NEK1: variants seen among roughly 807,000 people sequenced by gnomAD.
The protein encoded by NEK1 is NIMA related kinase 1.
In NEK1, 137 loss-of-function variants were observed where a neutral mutation model predicts 182.1. That is an observed-to-expected ratio of 0.75 (90% confidence interval 0.65 to 0.87). The LOEUF is 0.87. NEK1 is among the 40% of genes least tolerant of loss of function. The probability of loss-of-function intolerance (pLI) is 0.00; values close to 1 mark genes in which losing one functional copy is unlikely to be tolerated. For synonymous variants in NEK1, 513 were observed against 492.2 expected (o/e 1.04, Z -0.56); for missense variants, 1,391 against 1,494.4 (o/e 0.93, Z 1.14).
chr4:169,540,036 T>C (rs949052687), intron 18 of NEK1, among the ~76,000 whole-genome samples: 15 of 152,154 alleles, frequency 9.9e-5, no homozygotes, highest in Non-Finnish European at 1.5e-4. Flanking sequence ...ATAACACTAC[T>C]TGCTCTATGT....
chr4:169,591,767 G>A (rs1252612510), intron 5 of NEK1, among the ~76,000 whole-genome samples: 1 of 152,012 alleles, frequency 6.6e-6, no homozygotes, highest in Non-Finnish European at 1.5e-5. Context: ...AAATGCTTAA[G>A]TCATACGAAA....
chr4:169,539,015 A>G (rs961887632), intron 18 of NEK1, among the ~76,000 whole-genome samples: 16 of 152,202 alleles, frequency 1.1e-4, no homozygotes, highest in Non-Finnish European at 2.9e-5. Flanking sequence ...CATTTACCTC[A>G]TGTAGTACTT....
chr4:169,605,013 A>G (rs1268586602), intron 2 of NEK1, among the ~76,000 whole-genome samples: 1 of 151,832 alleles, frequency 6.6e-6, no homozygotes, highest in Non-Finnish European at 1.5e-5. Context: ...TGTTTAATAT[A>G]TTACATTACT....
At chr4:169,477,519 G>A (rs1445914150) in intron 24 of NEK1, 22 bp from the exon 25 acceptor site, 5 of 1,536,768 alleles carry the variant, frequency 3.3e-6, no homozygotes, top group East Asian at 4.6e-5. Context: ...GATAGATACA[G>A]AGGAAGAGAT....
intron 23 of NEK1, among the ~76,000 whole-genome samples, chr4:169,486,181 C>CT (rs572774633): frequency 3.3e-5 from 5 of 151,328 alleles, no homozygotes; most frequent in African/African-American, 1.2e-4. Context: ...GCTTTAGAAG[C>CT]TTTTTTTTTC....
intron 27 of NEK1, among the ~76,000 whole-genome samples, chr4:169,458,591 A>T (rs1311547719): frequency 2.6e-5 from 4 of 152,062 alleles, no homozygotes; most frequent in African/African-American, 9.6e-5. Context: ...AGCCAGGCAC[A>T]ATGATGCACA....
chr4:169,509,013 G>T (rs569970826), intron 19 of NEK1, among the ~76,000 whole-genome samples, 161 bp from the exon 20 acceptor site: 16 of 152,220 alleles, frequency 1.1e-4, no homozygotes, highest in African/African-American at 2.9e-4. Context: ...ATGTCAACTT[G>T]AAATATATAT....
At chr4:169,580,611 A>T (rs528328172) in intron 11 of NEK1, among the ~76,000 whole-genome samples, 1 of 151,992 alleles carries the variant, frequency 6.6e-6, no homozygotes, top group African/African-American at 2.4e-5. Flanking sequence ...TGATAAAGAC[A>T]TAAGATTTCA....
intron 2 of NEK1, among the ~76,000 whole-genome samples, chr4:169,609,190 C>A (rs982285123): frequency 6.6e-6 from 1 of 151,744 alleles, no homozygotes; most frequent in African/African-American, 2.4e-5. Flanking sequence ...ATTAGAATGG[C>A]AAAATTCACA....
intron 23 of NEK1, chr4:169,506,488 C>T (rs1753269988): frequency 6.6e-6 from 1 of 152,112 alleles, no homozygotes; most frequent in Non-Finnish European, 1.5e-5. Flanking sequence ...GGCGTGGTGG[C>T]TCATGCCTGT....
intron 27 of NEK1, among the ~76,000 whole-genome samples, chr4:169,447,947 G>C (rs147584143): frequency 9.2e-5 from 14 of 152,138 alleles, no homozygotes; most frequent in Non-Finnish European, 1.9e-4. Flanking sequence ...AACTTTGGAA[G>C]GCTGAGGTGG....
At chr4:169,598,565 C>T (rs538095937) in intron 5 of NEK1, among the ~76,000 whole-genome samples, 6 of 151,944 alleles carry the variant, frequency 3.9e-5, no homozygotes, top group Non-Finnish European at 5.9e-5. Flanking sequence ...ACATGTGGCC[C>T]GGTGCCTAAC....
intron 19 of NEK1, among the ~76,000 whole-genome samples, chr4:169,530,079 C>T (rs925927520): frequency 7.9e-5 from 12 of 152,198 alleles, no homozygotes; most frequent in African/African-American, 2.9e-4. Flanking sequence ...CAAAACAGCT[C>T]TATTCATAAT....
At chr4:169,576,050 C>T (rs527600869) in intron 12 of NEK1, among the ~76,000 whole-genome samples, 19 of 151,944 alleles carry the variant, frequency 1.3e-4, no homozygotes, top group East Asian at 3.9e-4. Context: ...CTGCAACCTC[C>T]GCCTCCCCGG....
chr4:169,397,052 T>C (rs1730847511), intron 35 of NEK1, among the ~76,000 whole-genome samples: 1 of 151,974 alleles, frequency 6.6e-6, no homozygotes, highest in Non-Finnish European at 1.5e-5. Context: ...CGAAATGCCA[T>C]CTCTGCCAAA....
chr4:169,522,444 A>T (rs991267555), intron 19 of NEK1, among the ~76,000 whole-genome samples: 2 of 152,234 alleles, frequency 1.3e-5, no homozygotes, highest in African/African-American at 4.8e-5. Context: ...TTATTATGTT[A>T]AAAGACTCAT....
At chr4:169,581,254 A>G (rs1766608755) in intron 10 of NEK1, among the ~76,000 whole-genome samples, 1 of 151,802 alleles carries the variant, frequency 6.6e-6, no homozygotes, top group South Asian at 2.1e-4. Flanking sequence ...TCCCAATCTT[A>G]TTTATGTATG....
intron 29 of NEK1, among the ~76,000 whole-genome samples, chr4:169,432,007 A>G (rs1048641553): frequency 2.6e-5 from 4 of 152,012 alleles, no homozygotes; most frequent in Non-Finnish European, 5.9e-5. Context: ...ACCAGGGCAA[A>G]TATCTCTCAC....
chr4:169,500,018 C>A (rs1752125619), intron 23 of NEK1, among the ~76,000 whole-genome samples: 1 of 152,216 alleles, frequency 6.6e-6, no homozygotes, highest in Non-Finnish European at 1.5e-5. Flanking sequence ...CAGAGGCAGG[C>A]AGGCCTCCAT....
Sources: gnomAD v4.1 joint callset for allele counts (sites outside exome capture counted in the v4.1 genomes callset) on GRCh38, gnomAD v4.1.1 for gene constraint, MANE v1.5 for transcripts, NCBI Gene and HGNC (gene_info 2026-07-23, HGNC 2026-07-21) for gene names.